Variants in SMC3 observed in about 807,000 individuals in gnomAD.
SMC3 encodes structural maintenance of chromosomes 3.
SMC3 carries 20 observed loss-of-function variants against 171.8 expected under a neutral mutation model. That is an observed-to-expected ratio of 0.12 (90% confidence interval 0.08 to 0.17). The LOEUF is 0.17. Ranked by LOEUF, SMC3 falls within the 10% of genes least tolerant of loss-of-function variation. The pLI is 1.00. For synonymous variants in SMC3, 464 were observed against 451.1 expected, an observed-to-expected ratio of 1.03 and a Z score of -0.36; for missense variants, 543 against 1,420.4, an observed-to-expected ratio of 0.38 and a Z score of 9.93.
Position 110,604,770 on chromosome 10 carries a change from A to G in SMC3, c.*468A>G, listed in dbSNP as rs1328245137. The G allele has an allele frequency of 1.8e-5, 3 of 165,534 alleles. No homozygotes were observed. The highest frequency in any genetic ancestry group is 2.6e-5 in the Non-Finnish European group (2 of 76,566). 10.3% of individuals were successfully genotyped at this position (165,534 alleles called of 1,614,324 possible). ...CTCCAAATACAGTTAAATTTGAGGTATTGAGGGTTAGGACTTCAACATGTG... is the reference window on the plus strand; with the variant it reads ...CTCCAAATACAGTTAAATTTGAGGTGTTGAGGGTTAGGACTTCAACATGTG... On this transcript the variant is annotated 3_prime_UTR_variant, in exon 29 of 29. Transcript: ENST00000361804.
intron 19 of SMC3, among the ~76,000 whole-genome samples, chr10:110,596,827 A>G (rs938507253): frequency 9.2e-5 from 14 of 151,936 alleles, no homozygotes; most frequent in South Asian, 2.1e-4. Flanking sequence ...ACTGAGAAGG[A>G]TCAGTTTGTG....
chr10:110,598,022 CA>C, intron 19 of SMC3, 116 bp from the exon 20 acceptor site: 1 of 910,778 alleles, frequency 1.1e-6, no homozygotes, highest in Non-Finnish European at 1.7e-6. Context: ...AATTTGAGGA[CA>C]TAAATGTTAT....
intron 3 of SMC3, 90 bp from the exon 4 acceptor site, chr10:110,575,246 A>G: frequency 3.3e-6 from 3 of 898,242 alleles, no homozygotes; most frequent in South Asian, 1.4e-5. Flanking sequence ...CTATTACCAG[A>G]CACACTATGT....
Position 110,600,561 on chromosome 10 carries a change from T to G in SMC3, c.2535+15T>G, listed in dbSNP as rs3818903. The G allele has an allele frequency of 5.0e-4, 663 of 1,336,048 alleles. 2 individuals carry two copies. In the East Asian group the frequency reaches 0.014, roughly 29 times the overall value. 82.8% of individuals were successfully genotyped at this position (1,336,048 alleles called of 1,614,324 possible). ...AAGTAGAACAGGTGTGTATGTGTTT[T>G]TTTTTTTTTTTTTAAGGGCTCCTTG... On this transcript the variant is annotated intron_variant, in intron 22 of 28. Transcript: ENST00000361804.
At chr10:110,585,069 A>G (rs955973591) in intron 13 of SMC3, among the ~76,000 whole-genome samples, 6 of 151,852 alleles carry the variant, frequency 4.0e-5, no homozygotes, top group East Asian at 1.9e-4. Flanking sequence ...CTAGAGTGCA[A>G]TGGCGCAATT....
intron 17 of SMC3, among the ~76,000 whole-genome samples, chr10:110,592,502 AT>A (rs1446669915): frequency 6.6e-6 from 1 of 152,158 alleles, no homozygotes; most frequent in Non-Finnish European, 1.5e-5. Flanking sequence ...TATTTTCATA[AT>A]TTTAAAAACC....
chr10:110,602,736 CTGAT>C lies in SMC3; in HGVS notation c.3297+74_3297+77del, dbSNP rs1479027062. On this transcript the variant is annotated intron_variant, in intron 26 of 28. Coordinates refer to ENST00000361804, the MANE Select transcript of SMC3 (RefSeq NM_005445.4). ...AGAATTTATAGTATCTTTTGCAAAT[CTGAT>C]TGGTGCATTATATGCAAGTTACTTT... 7 of 1,564,000 alleles carry C rather than the reference CTGAT, an allele frequency of 4.5e-6. No homozygotes were observed. The African/African-American group carries it at 6.8e-5, about 15-fold the overall frequency.
chr10:110,600,558 T>TG lies in SMC3; in HGVS notation c.2535+12_2535+13insG, dbSNP rs1491153931. The TG allele has an allele frequency of 8.0e-5, 23 of 287,500 alleles. No individual in the cohort carries two copies. The highest frequency in any genetic ancestry group is 1.0e-4 in the Non-Finnish European group (20 of 190,632). 17.8% of individuals were successfully genotyped at this position (287,500 alleles called of 1,614,324 possible). A position where few individuals can be genotyped will look rare whatever the true frequency, so the allele number is the denominator to read the frequency against. On this transcript the variant is annotated intron_variant, in intron 22 of 28. Coordinates refer to ENST00000361804, the MANE Select transcript of SMC3 (RefSeq NM_005445.4). ...ACCAAGTAGAACAGGTGTGTATGTG[T>TG]TTTTTTTTTTTTTTTTAAGGGCTCC... is the stretch of plus-strand genomic sequence containing the variant.
Position 110,578,689 on chromosome 10 carries a change from A to G in SMC3, c.412A>G (p.Ile138Val). Residue 138 changes from isoleucine to valine, a missense_variant, in exon 7 of 29, where the codon ATT (isoleucine) becomes GTT (valine). Physicochemically the swap from Ile to Val is conservative, Grantham distance 29. Coordinates refer to ENST00000361804, the MANE Select transcript of SMC3 (RefSeq NM_005445.4). Reference sequence around the variant, plus strand: ...TTTTTCTCGAAGCAATCCTTATTATATTGTTAAACAAGGAAAGGTAAAACA... The same window carrying G: ...TTTTTCTCGAAGCAATCCTTATTATGTTGTTAAACAAGGAAAGGTAAAACA... ...AGFSRSNPYY[I>V]VKQGKINQMA... 3 of 1,607,468 alleles carry G rather than the reference A, an allele frequency of 1.9e-6. No homozygotes were observed. The highest frequency in any genetic ancestry group is 2.6e-6 in the Non-Finnish European group (3 of 1,175,584).
At chr10:110,590,059 T>C (rs191880482) in intron 15 of SMC3, 68 bp downstream of exon 15, 2 of 1,408,012 alleles carry the variant, frequency 1.4e-6, no homozygotes, top group East Asian at 4.6e-5. Context: ...GTAATAATTT[T>C]TTACCTTTCA....
intron 21 of SMC3, 47 bp from the exon 22 acceptor site, chr10:110,600,392 T>G: frequency 1.1e-6 from 1 of 893,714 alleles, no homozygotes. Context: ...ACCATTCCTG[T>G]GTGTGAAATG....
intron 18 of SMC3, 111 bp from the exon 19 acceptor site, chr10:110,596,287 T>C (rs1861299251): frequency 9.6e-7 from 1 of 1,039,134 alleles, no homozygotes; most frequent in Non-Finnish European, 1.4e-6. Context: ...TTTAAATTAC[T>C]TTCAATTCTC....
chr10:110,588,192 A>ATGT (rs1175883697), intron 13 of SMC3, among the ~76,000 whole-genome samples: 1 of 152,090 alleles, frequency 6.6e-6, no homozygotes, highest in African/African-American at 2.4e-5. Context: ...GGGTTTCACG[A>ATGT]TGTTGCCCAG....
chr10:110,592,742 T>A (rs1184126666), intron 17 of SMC3, among the ~76,000 whole-genome samples: 1 of 152,204 alleles, frequency 6.6e-6, no homozygotes, highest in Non-Finnish European at 1.5e-5. Context: ...GTAGATAAAG[T>A]AACTATTATC....
At chr10:110,580,335 C>T (rs1401820782) in intron 7 of SMC3, among the ~76,000 whole-genome samples, 1 of 151,986 alleles carries the variant, frequency 6.6e-6, no homozygotes, top group Non-Finnish European at 1.5e-5. Flanking sequence ...GATGGTTTTC[C>T]CTTATAAAAA....
At position 110,568,711 on chromosome 10, in the gene SMC3, T is replaced by TA. The variant is rs202079717; in HGVS notation, c.16-218dup. ...CTTAACAGGTTGACAGCATAACTCC[T>TA]AAAAAAAAATAAAACCCAGCAGCAT... On this transcript the variant is annotated intron_variant, in intron 1 of 28. Coordinates refer to ENST00000361804, the MANE Select transcript of SMC3 (RefSeq NM_005445.4). Among the ~76,000 whole-genome samples the TA allele has an allele frequency of 6.9e-4, 103 of 149,052 alleles. 2 individuals are homozygous for TA. In the East Asian group the frequency reaches 0.011, roughly 16 times the overall value.
At chr10:110,585,290 ATTTTT>A (rs111694406) in intron 13 of SMC3, among the ~76,000 whole-genome samples, 5 of 123,646 alleles carry the variant, frequency 4.0e-5, no homozygotes, top group Non-Finnish European at 7.0e-5. Context: ...GATAGTAACA[ATTTTT>A]TTTTTTTTTT....
Position 110,582,648 on chromosome 10 carries a change from A to G in SMC3, c.804+6A>G. ...ATGCAAGAGATAAAATGGAGGTAAGATTATAAACAAGGTTCATGTTAACTT... is the reference window on the plus strand; with the variant it reads ...ATGCAAGAGATAAAATGGAGGTAAGGTTATAAACAAGGTTCATGTTAACTT... On this transcript the variant is annotated splice_donor_region_variant and intron_variant, in intron 10 of 28. Coordinates refer to ENST00000361804, the MANE Select transcript of SMC3 (RefSeq NM_005445.4). 6.2e-7 allele frequency: 1 copy of G among 1,602,176 alleles called. No individual in the cohort carries two copies. Among genetic ancestry groups the G allele is most frequent in the Non-Finnish European group, 8.6e-7 (1 of 1,169,244 alleles).
chr10:110,605,541 A>G lies in SMC3; in HGVS notation c.*1239A>G, dbSNP rs1861455379. Among the ~76,000 whole-genome samples, 1 of 152,316 alleles carries G rather than the reference A, an allele frequency of 6.6e-6. No homozygotes were observed. Among genetic ancestry groups the G allele is most frequent in the East Asian group, 1.9e-4 (1 of 5,192 alleles). ...TACCTAAAGAGATACTTTTAAAATA[A>G]AGAAATAGTAATGGGACTTTAAATT... On this transcript the variant is annotated 3_prime_UTR_variant, in exon 29 of 29. Coordinates refer to ENST00000361804, the MANE Select transcript of SMC3 (RefSeq NM_005445.4).
Sources: allele counts gnomAD v4.1 joint callset (sites outside exome capture counted in the v4.1 genomes callset), GRCh38; gene constraint gnomAD v4.1.1; transcripts MANE v1.5; gene names NCBI Gene and HGNC (gene_info 2026-07-23, HGNC 2026-07-21).